KAT6A: variants seen among roughly 807,000 people sequenced by gnomAD.
The protein encoded by KAT6A is lysine acetyltransferase 6A.
Under a neutral mutation model 198.4 loss-of-function variants are expected in KAT6A, and 9 were observed. The ratio of observed to expected loss-of-function variants is 0.05; its 90% CI spans 0.03 to 0.08. The LOEUF (loss-of-function observed/expected upper bound fraction) is 0.08. KAT6A is among the 10% of genes least tolerant of loss of function. KAT6A has a pLI of 1.00. For synonymous variants in KAT6A, 890 were observed against 883.0 expected (o/e 1.01, Z -0.14); for missense variants, 2,077 against 2,509.9 (o/e 0.83, Z 3.69).
chr8:41,976,860 T>C, intron 7 of KAT6A, 148 bp downstream of exon 7: 3 of 667,178 alleles, frequency 4.5e-6, no homozygotes, highest in South Asian at 5.7e-5. Context: ...ATCACCTCAG[T>C]ATCATCTACA....
intron 8 of KAT6A, among the ~76,000 whole-genome samples, chr8:41,971,960 A>AGG (rs1823816450): frequency 6.6e-6 from 1 of 152,114 alleles, no homozygotes; most frequent in South Asian, 2.1e-4. Context: ...GCTACCATTT[A>AGG]CTCTTGTTCA....
Position 41,950,899 on chromosome 8 carries a change from T to A in KAT6A, c.1599-1536A>T, listed in dbSNP as rs568820807. On this transcript the variant is annotated intron_variant, in intron 9 of 16. Transcript: ENST00000265713. Reference sequence around the variant, plus strand: ...TCTGTCAATTAAAAAATCGAAAATATTCAATAAATGCTAATTACTTTTCTG... The same window carrying A: ...TCTGTCAATTAAAAAATCGAAAATAATCAATAAATGCTAATTACTTTTCTG... 3.1e-4 allele frequency among the ~76,000 whole-genome samples: 47 copies of A among 152,022 alleles called. 1 individual carries two copies. Among genetic ancestry groups the A allele is most frequent in the African/African-American group, 1.1e-3 (47 of 41,460 alleles).
chr8:42,016,980 A>C (rs966482142), intron 2 of KAT6A, among the ~76,000 whole-genome samples: 1 of 152,124 alleles, frequency 6.6e-6, no homozygotes, highest in Non-Finnish European at 1.5e-5. Context: ...TTAAGCCACT[A>C]CTTCAATAAA....
In KAT6A at chr8:41,931,470, A is replaced by C; in HGVS notation, c.*735T>G. The C allele has an allele frequency of 4.8e-6, 1 of 206,962 alleles. No homozygotes were observed. Among genetic ancestry groups the C allele is most frequent in the South Asian group, 1.9e-4 (1 of 5,276 alleles). 12.8% of individuals were successfully genotyped at this position (206,962 alleles called of 1,614,324 possible). On this transcript the variant is annotated 3_prime_UTR_variant, in exon 17 of 17. Transcript: ENST00000265713. ...GTGCTGAGTGGGAATATTTTAAAAA[A>C]GAAGAAAAAAATTATATTACACTTG...
intron 15 of KAT6A, among the ~76,000 whole-genome samples, chr8:41,939,394 G>C (rs1042759477): frequency 2.6e-5 from 4 of 152,252 alleles, no homozygotes; most frequent in Middle Eastern, 3.4e-3. Flanking sequence ...TACAGACGGA[G>C]TCTTGCTATG....
chr8:41,948,685 C>A (rs1054433831), intron 10 of KAT6A, among the ~76,000 whole-genome samples: 1 of 152,158 alleles, frequency 6.6e-6, no homozygotes, highest in South Asian at 2.1e-4. Context: ...CAGCTTCTCC[C>A]AAGGTAAAGA....
At chr8:41,942,164 A>G (rs1202423190) in intron 14 of KAT6A, 1 of 210,326 alleles carries the variant, frequency 4.8e-6, no homozygotes, top group Non-Finnish European at 9.6e-6. Flanking sequence ...ACAATGACAC[A>G]TGCACTACAG....
chr8:41,976,041 C>CACTATGGTA (rs1488674411), intron 7 of KAT6A, among the ~76,000 whole-genome samples: 3 of 152,174 alleles, frequency 2.0e-5, no homozygotes, highest in African/African-American at 7.2e-5. Context: ...AGTTGATCAT[C>CACTATGGTA]ACTATGGTAA....
In KAT6A at chr8:41,934,360, T is replaced by A. The variant is rs771209341; in HGVS notation, c.3860A>T (p.Glu1287Val). The A allele has an allele frequency of 4.3e-5, 69 of 1,613,908 alleles. No individual in the cohort carries two copies. Among genetic ancestry groups the A allele is most frequent in the Non-Finnish European group, 5.8e-5 (69 of 1,179,872 alleles). ...CTCCTCTAATTCCTGCTGCTCCTCC[T>A]CTGACTGCCTCTGCTCCTCTGAGAC... ...PRVSEEQRQS[E>V]EEQQELEEPE... The change falls in exon 17 of 17, where the codon GAG becomes GTG. Residue 1287 changes from glutamate to valine, a missense_variant. This residue lies in a region of KAT6A where 375 missense variants were observed against 383.0 expected (regional missense o/e 0.98). Transcript: ENST00000265713.
At chr8:41,995,509 T>C (rs1030898960) in intron 2 of KAT6A, among the ~76,000 whole-genome samples, 5 of 152,178 alleles carry the variant, frequency 3.3e-5, no homozygotes, top group African/African-American at 1.2e-4. Flanking sequence ...CTTGAACTTT[T>C]AAAAACAGGA....
chr8:42,020,046 G>A lies in KAT6A; in HGVS notation c.600+28332C>T, dbSNP rs79837210. ...TCAGTGATGCAGTGATGTTATCAATGTAATTACCTTCTTTTTTTAAATAAA... is the reference window on the plus strand; with the variant it reads ...TCAGTGATGCAGTGATGTTATCAATATAATTACCTTCTTTTTTTAAATAAA... On this transcript the variant is annotated intron_variant, in intron 2 of 16. Coordinates refer to ENST00000265713, the MANE Select transcript of KAT6A (RefSeq NM_006766.5). Among the ~76,000 whole-genome samples, 813 of 152,244 alleles carry A rather than the reference G, an allele frequency of 5.3e-3. 19 individuals are homozygous for A. The highest frequency in any genetic ancestry group is 0.046 in the East Asian group (239 of 5,178).
chr8:41,963,446 A>G (rs1162924490), intron 8 of KAT6A, among the ~76,000 whole-genome samples: 2 of 152,190 alleles, frequency 1.3e-5, no homozygotes, highest in African/African-American at 4.8e-5. Context: ...AGAACACTAG[A>G]AGACCTACTT....
chr8:42,043,218 T>C (rs1453697246), intron 2 of KAT6A, among the ~76,000 whole-genome samples: 1 of 152,192 alleles, frequency 6.6e-6, no homozygotes, highest in Non-Finnish European at 1.5e-5. Context: ...AATGAATAAC[T>C]GAAGTAAATG....
At chr8:41,943,145 G>T in intron 13 of KAT6A, 145 bp from the exon 14 acceptor site, 1 of 1,060,438 alleles carries the variant, frequency 9.4e-7, no homozygotes, top group Non-Finnish European at 1.3e-6. Flanking sequence ...GCAGAAATGT[G>T]CCACCACATG....
chr8:41,945,864 T>A (rs988852159), intron 12 of KAT6A, among the ~76,000 whole-genome samples: 2 of 151,626 alleles, frequency 1.3e-5, no homozygotes, highest in African/African-American at 4.8e-5. Context: ...CCGTCTCTAG[T>A]AAAAATACAA....
At chr8:41,986,703 A>G (rs1824623585) in intron 3 of KAT6A, among the ~76,000 whole-genome samples, 1 of 152,186 alleles carries the variant, frequency 6.6e-6, no homozygotes. Flanking sequence ...AATCAAATTA[A>G]AATACAGTCA....
At chr8:41,982,056 A>C in intron 3 of KAT6A, 102 bp from the exon 4 acceptor site, 1 of 691,726 alleles carries the variant, frequency 1.4e-6, no homozygotes, top group Non-Finnish European at 2.6e-6. Context: ...CTTAAATACA[A>C]AATATATATC....
intron 2 of KAT6A, among the ~76,000 whole-genome samples, chr8:42,038,296 C>G (rs1332491319): frequency 1.3e-5 from 2 of 152,148 alleles, no homozygotes; most frequent in African/African-American, 4.8e-5. Flanking sequence ...CATAAGAAAA[C>G]CTTGATTCCT....
At position 41,932,217 on chromosome 8, in the gene KAT6A, G is replaced by A; in HGVS notation, c.6003C>T (p.Tyr2001=). The change falls in exon 17 of 17, where the codon TAC becomes TAT. Residue 2001 remains tyrosine, a synonymous_variant. Transcript: ENST00000265713. ...GVPKQSLNGP[Y]MRR is the part of the protein sequence containing the mutation. ...AAGTTCATCTTGCTCATCTTCTCAT[G>A]TAAGGTCCGTTGAGTGACTGCTTGG... 4 of 1,584,548 alleles carry A rather than the reference G, an allele frequency of 2.5e-6. No individual in the cohort carries two copies. The highest frequency in any genetic ancestry group is 3.4e-6 in the Non-Finnish European group (4 of 1,165,180).
Sources: allele counts gnomAD v4.1 joint callset (sites outside exome capture counted in the v4.1 genomes callset), GRCh38; gene constraint gnomAD v4.1.1; regional missense constraint gnomAD v4.1.1; transcripts MANE v1.5; gene names NCBI Gene and HGNC (gene_info 2026-07-23, HGNC 2026-07-21).